Variants in RPS6KA2 observed in about 807,000 individuals in gnomAD.
RPS6KA2 encodes the protein ribosomal protein S6 kinase alpha-2.
Under a neutral mutation model 91.8 loss-of-function variants are expected in RPS6KA2, and 42 were observed. That is an observed-to-expected ratio of 0.46 (90% CI 0.36 to 0.59). RPS6KA2 has a LOEUF of 0.59. RPS6KA2 is among the 20% of genes least tolerant of loss of function. The pLI, the probability that RPS6KA2 is intolerant of heterozygous loss-of-function variation, is 0.00. For synonymous variants in RPS6KA2, 414 were observed against 393.6 expected, an observed-to-expected ratio of 1.05 and a Z score of -0.61; for missense variants, 798 against 978.5, an observed-to-expected ratio of 0.82 and a Z score of 2.46.
intron 12 of RPS6KA2, among the ~76,000 whole-genome samples, chr6:166,454,994 CA>C (rs1780048810): frequency 1.3e-5 from 2 of 151,372 alleles, no homozygotes; most frequent in South Asian, 4.2e-4. Flanking sequence ...TGAAAACACA[CA>C]TATGTACAAA....
intron 1 of RPS6KA2, among the ~76,000 whole-genome samples, chr6:166,566,770 G>A (rs1043460226): frequency 1.3e-5 from 2 of 152,210 alleles, no homozygotes; most frequent in African/African-American, 4.8e-5. Context: ...TGAGCTCTGA[G>A]CCAGTCCCTG....
intron 2 of RPS6KA2, among the ~76,000 whole-genome samples, chr6:166,758,311 C>T (rs1259826008): frequency 6.6e-6 from 1 of 152,234 alleles, no homozygotes; most frequent in Admixed American, 6.5e-5. Flanking sequence ...CGTGCACATG[C>T]ATGCACGTTC....
intron 2 of RPS6KA2, among the ~76,000 whole-genome samples, chr6:166,715,177 C>T (rs1368032400): frequency 5.9e-5 from 9 of 152,258 alleles, no homozygotes; most frequent in Admixed American, 2.6e-4. Context: ...CAGCCCGAGG[C>T]GGGAAGCAAG....
At chr6:166,766,806 C>T (rs2128605235) in intron 2 of RPS6KA2, among the ~76,000 whole-genome samples, 1 of 152,382 alleles carries the variant, frequency 6.6e-6, no homozygotes, top group Non-Finnish European at 1.5e-5. Flanking sequence ...GGCTGGAACG[C>T]AGAAGCACAG....
At chr6:166,545,068 G>C (rs3778408) in intron 1 of RPS6KA2, among the ~76,000 whole-genome samples, 1 of 152,152 alleles carries the variant, frequency 6.6e-6, no homozygotes, top group African/African-American at 2.4e-5. Flanking sequence ...AAAATACCGG[G>C]TGCCATGTCA....
At chr6:166,541,941 C>T (rs1057466505) in intron 1 of RPS6KA2, among the ~76,000 whole-genome samples, 6 of 152,098 alleles carry the variant, frequency 3.9e-5, no homozygotes, top group Admixed American at 6.6e-5. Context: ...GGTTTTTAAC[C>T]GCAAAGCATC....
chr6:166,783,232 C>T (rs1778818033), intron 2 of RPS6KA2, among the ~76,000 whole-genome samples: 1 of 151,750 alleles, frequency 6.6e-6, no homozygotes, highest in African/African-American at 2.4e-5. Context: ...GAACTACAAG[C>T]AGGAGCCACG....
chr6:166,448,417 T>C lies in RPS6KA2; in HGVS notation c.1332+307A>G, dbSNP rs1779746799. Among the ~76,000 whole-genome samples the C allele has an allele frequency of 6.6e-6, 1 of 152,216 alleles. No individual in the cohort carries two copies. The highest frequency in any genetic ancestry group is 1.5e-5 in the Non-Finnish European group (1 of 68,048). On this transcript the variant is annotated intron_variant, in intron 14 of 20. Transcript: ENST00000265678. The surrounding 1 kb of genome is among the most constrained non-coding windows in gnomAD (Gnocchi z 4.7). ...TGAAAATATTCATGATTTGCAAAAC[T>C]ACCTTTTAATGGGTGACCTCATATC...
chr6:166,681,846 T>C (rs1257502293), intron 2 of RPS6KA2, among the ~76,000 whole-genome samples: 2 of 152,016 alleles, frequency 1.3e-5, no homozygotes, highest in Non-Finnish European at 2.9e-5. Context: ...CAACTTTTCC[T>C]GTCCTCTGCT....
chr6:166,685,119 T>C (rs151034313), intron 2 of RPS6KA2, among the ~76,000 whole-genome samples: 1 of 152,248 alleles, frequency 6.6e-6, no homozygotes, highest in African/African-American at 2.4e-5. Flanking sequence ...AGCTCAGCAC[T>C]ACAAGGAAGC....
At chr6:166,499,139 C>A (rs960281905) in intron 7 of RPS6KA2, among the ~76,000 whole-genome samples, 1 of 152,124 alleles carries the variant, frequency 6.6e-6, no homozygotes, top group Non-Finnish European at 1.5e-5. Context: ...CACAGACAGG[C>A]GGAGGAGGCC....
chr6:166,485,154 C>A (rs1781362193), intron 10 of RPS6KA2, among the ~76,000 whole-genome samples: 1 of 152,164 alleles, frequency 6.6e-6, no homozygotes. Flanking sequence ...TTACACCCAG[C>A]AGCATAGAGA....
intron 2 of RPS6KA2, chr6:166,701,670 T>G: frequency 7.9e-7 from 1 of 1,265,578 alleles, no homozygotes; most frequent in Admixed American, 1.7e-5. Flanking sequence ...AAGGGGGCCC[T>G]GAGGTGGGAG....
chr6:166,729,463 C>T (rs1790447209), intron 2 of RPS6KA2, among the ~76,000 whole-genome samples: 1 of 152,222 alleles, frequency 6.6e-6, no homozygotes, highest in Non-Finnish European at 1.5e-5. Flanking sequence ...ATCCTCTCAC[C>T]TCAGCCTCCT....
intron 2 of RPS6KA2, among the ~76,000 whole-genome samples, chr6:166,652,408 T>C (rs1250291423): frequency 2.0e-5 from 3 of 152,190 alleles, no homozygotes; most frequent in Admixed American, 2.0e-4. Context: ...AATTAACCTG[T>C]TTTCCTTGCG....
chr6:166,577,105 A>G (rs1784857243), intron 1 of RPS6KA2, among the ~76,000 whole-genome samples: 2 of 152,228 alleles, frequency 1.3e-5, no homozygotes, highest in South Asian at 4.1e-4. Context: ...AGAAGTCAAG[A>G]ACTGGGGGTT....
chr6:166,667,561 C>G (rs982195523), intron 2 of RPS6KA2, among the ~76,000 whole-genome samples: 1 of 152,118 alleles, frequency 6.6e-6, no homozygotes, highest in African/African-American at 2.4e-5. Context: ...GTCATTTAGT[C>G]AGGAAAAATG....
At chr6:166,632,801 T>A (rs1787119727) in intron 2 of RPS6KA2, among the ~76,000 whole-genome samples, 1 of 151,828 alleles carries the variant, frequency 6.6e-6, no homozygotes, top group South Asian at 2.1e-4. Context: ...GAGCCCGAGC[T>A]TAGTGAGGGA....
chr6:166,480,604 T>A (rs545437318), intron 10 of RPS6KA2, among the ~76,000 whole-genome samples: 28 of 150,562 alleles, frequency 1.9e-4, no homozygotes, highest in African/African-American at 6.6e-4. Flanking sequence ...AATCTCCACC[T>A]CCTGGGTTCA....
Sources: allele counts gnomAD v4.1 joint callset (sites outside exome capture counted in the v4.1 genomes callset), GRCh38; gene constraint gnomAD v4.1.1; non-coding constraint Gnocchi (gnomAD v3.1); transcripts MANE v1.5; gene names NCBI Gene and HGNC (gene_info 2026-07-23, HGNC 2026-07-21).